The following XYLB variants were observed in gnomAD, a reference collection of about 807,000 sequenced individuals.
XYLB encodes the protein xylulose kinase.
In XYLB, 62 loss-of-function variants were observed where a neutral mutation model predicts 78.7. The ratio of observed to expected loss-of-function variants is 0.79; its 90% CI spans 0.64 to 0.97. The LOEUF (loss-of-function observed/expected upper bound fraction) is 0.97, where lower values mean the gene tolerates loss of function less well. Ranked by LOEUF, XYLB falls within the 50% of genes least tolerant of loss-of-function variation. XYLB has a pLI of 0.00. For synonymous variants in XYLB, 245 were observed against 247.4 expected (o/e 0.99, Z 0.09); for missense variants, 687 against 676.8 (o/e 1.02, Z -0.17).
rs527871023 is a variant in XYLB at position 38,380,687 on chromosome 3, G to T, written c.1291+1345G>T. Among the ~76,000 whole-genome samples the T allele has an allele frequency of 7.9e-5, 12 of 152,268 alleles. No homozygotes were observed. The East Asian group carries it at 2.3e-3, about 29-fold the overall frequency. On this transcript the variant is annotated intron_variant, in intron 15 of 18. Transcript: ENST00000207870. ...CCAGCAATCTCATTTCTAAGTAAAGGCACAACAGGAATTTTTGCATGTGTT... is the reference window on the plus strand; with the variant it reads ...CCAGCAATCTCATTTCTAAGTAAAGTCACAACAGGAATTTTTGCATGTGTT...
At chr3:38,389,998 A>T (rs572202254) in intron 15 of XYLB, among the ~76,000 whole-genome samples, 40 of 152,276 alleles carry the variant, frequency 2.6e-4, no homozygotes, top group Admixed American at 2.3e-3. Context: ...TTAAGGGCTC[A>T]TCTCATTCTG....
At position 38,376,144 on chromosome 3, in the gene XYLB, G is replaced by T. The variant is rs777866098; in HGVS notation, c.1032G>T (p.Glu344Asp). 8 of 1,614,092 alleles carry T rather than the reference G, an allele frequency of 5.0e-6. No homozygotes were observed. In the Admixed American group the frequency reaches 1.3e-4, roughly 27 times the overall value. ...TTAAAAATGGCTCCCTCATGAGAGA[G>T]AAGATCCGCAACGAGTCTGTATCCC... ...LCFKNGSLMR[E>D]KIRNESVSRS... is the part of the protein sequence containing the mutation. Residue 344 changes from glutamate to aspartate, a missense_variant, in exon 13 of 19, where the codon GAG becomes GAT. By Grantham distance (45) the Glu-to-Asp change is conservative. Coordinates refer to ENST00000207870, the MANE Select transcript of XYLB (RefSeq NM_005108.4).
intron 2 of XYLB, among the ~76,000 whole-genome samples, chr3:38,352,506 A>G (rs1174351636): frequency 2.0e-5 from 3 of 152,198 alleles, no homozygotes; most frequent in Non-Finnish European, 2.9e-5. Context: ...CTATATTTCC[A>G]TGTAAAAACA....
At chr3:38,349,179 A>T (rs1052258319) in intron 2 of XYLB, among the ~76,000 whole-genome samples, 1 of 152,232 alleles carries the variant, frequency 6.6e-6, no homozygotes, top group Admixed American at 6.5e-5. Flanking sequence ...AGGCAGAAGG[A>T]ACAACATGTG....
chr3:38,449,160 G>T, the XYLB span, among the ~76,000 whole-genome samples: 1 of 151,946 alleles, frequency 6.6e-6, no homozygotes, highest in African/African-American at 2.4e-5. Context: ...GTCTTGCTCT[G>T]TTGCCAGGCT....
the XYLB span, among the ~76,000 whole-genome samples, chr3:38,433,239 A>C: frequency 6.6e-6 from 1 of 152,338 alleles, no homozygotes; most frequent in East Asian, 1.9e-4. Flanking sequence ...TAAGGCACCA[A>C]GTGTCTAGGC....
chr3:38,390,004 T>C (rs1329341514), intron 15 of XYLB, among the ~76,000 whole-genome samples: 2 of 152,182 alleles, frequency 1.3e-5, no homozygotes, highest in Non-Finnish European at 2.9e-5. Context: ...GCTCATCTCA[T>C]TCTGGAATTT....
At chr3:38,446,789 A>C in the XYLB span, among the ~76,000 whole-genome samples, 1 of 152,200 alleles carries the variant, frequency 6.6e-6, no homozygotes, top group South Asian at 2.1e-4. Context: ...TAAAGACTTA[A>C]ATTCAAAATT....
Position 38,376,330 on chromosome 3 carries a change from G to A in XYLB, c.1120+98G>A, listed in dbSNP as rs535463893. On this transcript the variant is annotated intron_variant, in intron 13 of 18. Coordinates refer to ENST00000207870, the MANE Select transcript of XYLB (RefSeq NM_005108.4). ...CCATGAGCTGGGGGAGAGGAGGGCC[G>A]TGGAGAAGTCCAGGGGAGTCCTGTC... 469 of 795,196 alleles carry A rather than the reference G, an allele frequency of 5.9e-4. 1 individual carries two copies. Among genetic ancestry groups the A allele is most frequent in the Non-Finnish European group, 8.8e-4 (397 of 450,004 alleles). 49.3% of individuals were successfully genotyped at this position (795,196 alleles called of 1,614,324 possible).
chr3:38,417,879 CAAAAAA>C (rs534465318), downstream of XYLB, among the ~76,000 whole-genome samples: 1 of 91,534 alleles, frequency 1.1e-5, no homozygotes, highest in Admixed American at 1.2e-4. Flanking sequence ...GACTTCATCT[CAAAAAA>C]AAAAAAAAAA....
At chr3:38,401,262 A>G (rs1215950528) in intron 18 of XYLB, among the ~76,000 whole-genome samples, 2 of 152,112 alleles carry the variant, frequency 1.3e-5, no homozygotes, top group Admixed American at 6.5e-5. Flanking sequence ...TCACTGGGCT[A>G]TAAAAGCTAC....
At chr3:38,443,150 A>G in the XYLB span, among the ~76,000 whole-genome samples, 472 of 152,308 alleles carry the variant, frequency 3.1e-3, 2 homozygotes, top group African/African-American at 0.011. Flanking sequence ...ATGGACTTTG[A>G]GGACAGCCGA....
chr3:38,398,142 T>A (rs956321992), intron 17 of XYLB, among the ~76,000 whole-genome samples: 2 of 151,608 alleles, frequency 1.3e-5, no homozygotes, highest in African/African-American at 2.4e-5. Context: ...TCTATCAACG[T>A]TGAGAATTAA....
In XYLB at chr3:38,375,257, G is replaced by T; in HGVS notation, c.1002G>T (p.Leu334=). The change falls in exon 12 of 19, where the codon CTG becomes CTT. Residue 334 remains leucine (L), a splice_region_variant and synonymous_variant. Transcript: ENST00000207870. ...PVDSQHYMAL[L]CFKNGSLMRE... The stretch of plus-strand genomic sequence containing the variant: ...ACTCCCAGCACTACATGGCACTCCT[G>T]TGGTGAGCTTGGGTGTTGGTTGGCA... 1.2e-6 allele frequency: 2 copies of T among 1,614,068 alleles called. No homozygotes were observed. Among genetic ancestry groups the T allele is most frequent in the Admixed American group, 3.3e-5 (2 of 60,016 alleles).
chr3:38,419,246 A>G (rs1708895588), downstream of XYLB, among the ~76,000 whole-genome samples: 1 of 152,118 alleles, frequency 6.6e-6, no homozygotes, highest in African/African-American at 2.4e-5. Context: ...AGGTTCATTC[A>G]CATTGTAGCA....
Position 38,413,141 on chromosome 3 carries a change from TC to T in XYLB, c.*130del. 2.2e-6 allele frequency: 2 copies of T among 889,126 alleles called. No homozygotes were observed. The highest frequency in any genetic ancestry group is 3.2e-6 in the Non-Finnish European group (2 of 618,864). 55.1% of individuals were successfully genotyped at this position (889,126 alleles called of 1,614,324 possible). On this transcript the variant is annotated 3_prime_UTR_variant, in exon 19 of 19. Transcript: ENST00000207870. ...CTGCCCCTACTGACTCCTTGGAGTGTCCAGGACCATCTTAAAGCCGCCCTCA... is the reference window on the plus strand; with the variant it reads ...CTGCCCCTACTGACTCCTTGGAGTGTCAGGACCATCTTAAAGCCGCCCTCA...
intron 15 of XYLB, among the ~76,000 whole-genome samples, chr3:38,386,209 A>C: frequency 6.6e-6 from 1 of 151,694 alleles, no homozygotes; most frequent in African/African-American, 2.4e-5. Context: ...TTCTCTGCTT[A>C]CCCTTACCTG....
intron 17 of XYLB, among the ~76,000 whole-genome samples, chr3:38,397,454 C>T (rs770242545): frequency 1.3e-5 from 2 of 152,246 alleles, no homozygotes; most frequent in East Asian, 1.9e-4. Context: ...GTTGAGAGCA[C>T]GTGGGCATGA....
chr3:38,374,388 T>C lies in XYLB; in HGVS notation c.848-74T>C, dbSNP rs2125600279. The C allele has an allele frequency of 4.4e-6, 7 of 1,607,426 alleles. No homozygotes were observed. In the South Asian group the frequency reaches 6.6e-5, roughly 15 times the overall value. ...TGGAGGTGGGGGCTCTGCGCCTGCC[T>C]GGAGAGCCCTGTGGTTTGCTTTGTG... On this transcript the variant is annotated intron_variant, in intron 10 of 18. Coordinates refer to ENST00000207870, the MANE Select transcript of XYLB (RefSeq NM_005108.4).
Sources: allele counts gnomAD v4.1 joint callset (sites outside exome capture counted in the v4.1 genomes callset), GRCh38; gene constraint gnomAD v4.1.1; transcripts MANE v1.5; gene names NCBI Gene and HGNC (gene_info 2026-07-23, HGNC 2026-07-21).